Variants in PDE1A observed in about 807,000 individuals in gnomAD.
PDE1A encodes the protein dual specificity calcium/calmodulin-dependent 3',5'-cyclic nucleotide phosphodiesterase 1A.
Under a neutral mutation model 61.7 loss-of-function variants are expected in PDE1A, and 35 were observed. The ratio of observed to expected loss-of-function variants is 0.57; its 90% CI spans 0.43 to 0.75. The LOEUF is 0.75. Among genes scored for constraint, PDE1A ranks in the 30% least tolerant of loss-of-function variants. The pLI, the probability that PDE1A is intolerant of heterozygous loss-of-function variation, is 0.00. For missense variants in PDE1A, 597 were observed against 630.6 expected (o/e 0.95, Z 0.57); for synonymous variants, 232 against 213.2 (o/e 1.09, Z -0.77).
chr2:182,649,218 G>A, the PDE1A span, among the ~76,000 whole-genome samples: 1 of 152,166 alleles, frequency 6.6e-6, no homozygotes, highest in Non-Finnish European at 1.5e-5. Context: ...AAACAATCTT[G>A]GTACCCACTG....
At chr2:182,548,779 C>T in the PDE1A span, among the ~76,000 whole-genome samples, 1 of 152,152 alleles carries the variant, frequency 6.6e-6, no homozygotes, top group African/African-American at 2.4e-5. Flanking sequence ...ACTCATGGTT[C>T]TGCATTCCCT....
At chr2:182,177,810 C>A (rs1037973368) in intron 13 of PDE1A, among the ~76,000 whole-genome samples, 1 of 151,990 alleles carries the variant, frequency 6.6e-6, no homozygotes, top group African/African-American at 2.4e-5. Flanking sequence ...ACTGAAACAC[C>A]TCAATGGATA....
chr2:182,222,067 G>T (rs964659761), intron 7 of PDE1A, among the ~76,000 whole-genome samples: 2 of 151,708 alleles, frequency 1.3e-5, no homozygotes, highest in African/African-American at 4.8e-5. Context: ...AAAACCAAAT[G>T]AACTGACCAC....
At chr2:182,296,942 G>T (rs1275758497) in intron 1 of PDE1A, among the ~76,000 whole-genome samples, 1 of 152,074 alleles carries the variant, frequency 6.6e-6, no homozygotes, top group Admixed American at 6.6e-5. Flanking sequence ...CCTGCCATTG[G>T]TCAAGGATTT....
chr2:182,270,075 T>A (rs1692908936), intron 1 of PDE1A, among the ~76,000 whole-genome samples: 1 of 152,166 alleles, frequency 6.6e-6, no homozygotes, highest in Admixed American at 6.5e-5. Flanking sequence ...CCTAAGACTT[T>A]AAAAATCAGC....
chr2:182,211,401 A>C (rs929725005), intron 7 of PDE1A, among the ~76,000 whole-genome samples: 1 of 152,050 alleles, frequency 6.6e-6, no homozygotes, highest in Non-Finnish European at 1.5e-5. Flanking sequence ...TCAATACTAC[A>C]CTGTCTTGAT....
At chr2:182,201,914 C>T (rs901900903) in intron 8 of PDE1A, 125 bp from the exon 9 acceptor site, 2 of 632,662 alleles carry the variant, frequency 3.2e-6, no homozygotes, top group Non-Finnish European at 5.5e-6. Flanking sequence ...AAAGATGCTA[C>T]TTTTTAAATG....
At chr2:182,466,964 G>A (rs1686711060) in intron 2 of PDE1A, among the ~76,000 whole-genome samples, 1 of 152,022 alleles carries the variant, frequency 6.6e-6, no homozygotes, top group African/African-American at 2.4e-5. Context: ...TATACTAAGA[G>A]GAGCTCTTAA....
At chr2:182,575,012 T>G in the PDE1A span, among the ~76,000 whole-genome samples, 1 of 152,170 alleles carries the variant, frequency 6.6e-6, no homozygotes, top group African/African-American at 2.4e-5. Flanking sequence ...GTGCCCAGCC[T>G]ACAGTCTCCG....
At chr2:182,705,041 G>A in the PDE1A span, among the ~76,000 whole-genome samples, 1 of 152,090 alleles carries the variant, frequency 6.6e-6, no homozygotes, top group Non-Finnish European at 1.5e-5. Context: ...ACAACCTATA[G>A]TTCTCTTACT....
intron 2 of PDE1A, among the ~76,000 whole-genome samples, chr2:182,449,975 G>A (rs1277674513): frequency 6.6e-6 from 1 of 151,886 alleles, no homozygotes; most frequent in African/African-American, 2.4e-5. Context: ...ACACCAACTT[G>A]GATCATCCAT....
At chr2:182,655,010 T>C in the PDE1A span, among the ~76,000 whole-genome samples, 2 of 152,156 alleles carry the variant, frequency 1.3e-5, no homozygotes, top group African/African-American at 4.8e-5. Context: ...GCCTCAGAAA[T>C]TCTGGAATCC....
chr2:182,302,936 C>A lies in PDE1A; in HGVS notation c.54-38522G>T, dbSNP rs1161338233. 3.9e-5 allele frequency among the ~76,000 whole-genome samples: 6 copies of A among 152,236 alleles called. No homozygotes were observed. The East Asian group carries it at 1.2e-3, about 29-fold the overall frequency. ...TGCTCACGCATAAGAAGCAACTCTTCATCCACTTAAGTTTTAACATGAGAT... is the reference window on the plus strand; with the variant it reads ...TGCTCACGCATAAGAAGCAACTCTTAATCCACTTAAGTTTTAACATGAGAT... On this transcript the variant is annotated intron_variant, in intron 1 of 13. Coordinates refer to ENST00000351439, the Ensembl canonical transcript of PDE1A.
chr2:182,462,221 G>A (rs900331128), intron 2 of PDE1A, among the ~76,000 whole-genome samples: 1 of 151,864 alleles, frequency 6.6e-6, no homozygotes, highest in Non-Finnish European at 1.5e-5. Flanking sequence ...GAGTTAATGG[G>A]TGCAGCACAC....
chr2:182,448,376 A>C (rs903626910), intron 2 of PDE1A, among the ~76,000 whole-genome samples: 3 of 151,956 alleles, frequency 2.0e-5, no homozygotes, highest in Non-Finnish European at 4.4e-5. Context: ...AAAGACTGGT[A>C]GTTTAGAATT....
intron 2 of PDE1A, among the ~76,000 whole-genome samples, chr2:182,493,332 T>C (rs1688511074): frequency 6.6e-6 from 1 of 151,824 alleles, no homozygotes; most frequent in African/African-American, 2.4e-5. Context: ...GTGCACAACG[T>C]GCAGGCTTGT....
intron 2 of PDE1A, among the ~76,000 whole-genome samples, chr2:182,249,303 G>A (rs1344243361): frequency 6.6e-6 from 1 of 152,222 alleles, no homozygotes; most frequent in African/African-American, 2.4e-5. Flanking sequence ...GGACCTTTGG[G>A]TAGAGAATGC....
the PDE1A span, among the ~76,000 whole-genome samples, chr2:182,615,691 G>C: frequency 2.0e-5 from 3 of 152,116 alleles, no homozygotes; most frequent in Non-Finnish European, 4.4e-5. Flanking sequence ...TCAATATCAA[G>C]GGTCCCACAC....
At chr2:182,406,968 ATCT>A (rs1457234159) in intron 1 of PDE1A, among the ~76,000 whole-genome samples, 1 of 152,080 alleles carries the variant, frequency 6.6e-6, no homozygotes, top group African/African-American at 2.4e-5. Context: ...GTCTAAATTG[ATCT>A]TCTTTAAATA....
Sources: allele counts gnomAD v4.1 joint callset (sites outside exome capture counted in the v4.1 genomes callset), GRCh38; gene constraint gnomAD v4.1.1; transcripts MANE v1.5; gene names NCBI Gene and HGNC (gene_info 2026-07-23, HGNC 2026-07-21).